The following AMD1 variants were observed in gnomAD, a reference collection of about 807,000 sequenced individuals.
The protein encoded by AMD1 is S-adenosylmethionine decarboxylase proenzyme.
Under a neutral mutation model 40.2 loss-of-function variants are expected in AMD1, and 11 were observed. The observed-to-expected ratio is 0.27, with a 90% CI of 0.17 to 0.45. AMD1 has a LOEUF of 0.45. AMD1 is among the 20% of genes least tolerant of loss of function. The pLI, the probability that AMD1 is intolerant of heterozygous loss-of-function variation, is 1.00. For synonymous variants in AMD1, 121 were observed against 130.8 expected (o/e 0.93, Z 0.51); for missense variants, 257 against 410.2 (o/e 0.63, Z 3.23).
At chr6:110,831,167 C>T in the AMD1 span, among the ~76,000 whole-genome samples, 1 of 151,964 alleles carries the variant, frequency 6.6e-6, no homozygotes, top group Non-Finnish European at 1.5e-5. Flanking sequence ...TGGCCAGGTG[C>T]AGTGGTTCAC....
At chr6:110,840,540 C>T in the AMD1 span, among the ~76,000 whole-genome samples, 4 of 152,024 alleles carry the variant, frequency 2.6e-5, no homozygotes, top group African/African-American at 7.2e-5. Flanking sequence ...ATGCATAGGG[C>T]GAGGTGTGGG....
At chr6:110,827,117 T>C in the AMD1 span, among the ~76,000 whole-genome samples, 1 of 152,150 alleles carries the variant, frequency 6.6e-6, no homozygotes, top group Non-Finnish European at 1.5e-5. Flanking sequence ...AAAGGTCACA[T>C]TCACAGGTTC....
chr6:110,841,391 C>T, the AMD1 span, among the ~76,000 whole-genome samples: 4 of 152,342 alleles, frequency 2.6e-5, no homozygotes, highest in South Asian at 6.2e-4. Context: ...GGAATAAGTA[C>T]ATTCAATGTC....
chr6:110,850,315 C>T, the AMD1 span, among the ~76,000 whole-genome samples: 7 of 152,262 alleles, frequency 4.6e-5, no homozygotes, highest in South Asian at 1.5e-3. Context: ...AACTCTTAGA[C>T]GTTGGGAATA....
chr6:110,862,171 G>A, the AMD1 span, among the ~76,000 whole-genome samples: 4 of 151,158 alleles, frequency 2.6e-5, no homozygotes, highest in African/African-American at 7.3e-5. Context: ...ACCATACTTC[G>A]CTAATTTTTT....
rs759179578 is a variant in AMD1 at position 110,893,511 on chromosome 6, G to A, written c.900G>A (p.Gln300=). 3.1e-6 allele frequency: 5 copies of A among 1,613,862 alleles called. No homozygotes were observed. Among genetic ancestry groups the A allele is most frequent in the East Asian group, 2.2e-5 (1 of 44,904 alleles). Residue 300 remains glutamine (Q), a synonymous_variant, in exon 9 of 9, where the codon CAG becomes CAA. Transcript: ENST00000368885. ...GTCGCACAGTGCTTGCTTCGCCCCAGAAGATTGAAGGTTTTAAGCGTCTTG... is the reference window on the plus strand; with the variant it reads ...GTCGCACAGTGCTTGCTTCGCCCCAAAAGATTGAAGGTTTTAAGCGTCTTG... ...SKCRTVLASP[Q]KIEGFKRLDC...
the AMD1 span, among the ~76,000 whole-genome samples, chr6:110,853,878 G>A: frequency 6.6e-6 from 1 of 152,192 alleles, no homozygotes; most frequent in Non-Finnish European, 1.5e-5. Flanking sequence ...TGGAATGGCT[G>A]TGAAGTAGCA....
chr6:110,863,559 G>T, the AMD1 span, among the ~76,000 whole-genome samples: 3 of 151,080 alleles, frequency 2.0e-5, no homozygotes, highest in Non-Finnish European at 4.4e-5. Context: ...TAGTAGAGAC[G>T]GGGTTTCACC....
chr6:110,854,004 C>T, the AMD1 span, among the ~76,000 whole-genome samples: 352 of 152,258 alleles, frequency 2.3e-3, 2 homozygotes, highest in Middle Eastern at 0.02. Flanking sequence ...TGTTCTGAGA[C>T]GGTGGAACTT....
intron 1 of AMD1, among the ~76,000 whole-genome samples, chr6:110,876,936 A>C (rs1485672583): frequency 6.6e-6 from 1 of 152,202 alleles, no homozygotes; most frequent in Non-Finnish European, 1.5e-5. Flanking sequence ...TAATAAAGGG[A>C]AGAAGATTTT....
At chr6:110,890,490 T>A in intron 4 of AMD1, 134 bp downstream of exon 4, 1 of 673,042 alleles carries the variant, frequency 1.5e-6, no homozygotes. Context: ...TTCTTGTGGG[T>A]TTTTTGGTTT....
the AMD1 span, among the ~76,000 whole-genome samples, chr6:110,829,475 C>T: frequency 2.0e-5 from 3 of 151,208 alleles, no homozygotes; most frequent in Non-Finnish European, 4.4e-5. Context: ...GTCAGGAGAT[C>T]GAGACCATCC....
chr6:110,821,185 G>A, the AMD1 span, among the ~76,000 whole-genome samples: 1 of 152,208 alleles, frequency 6.6e-6, no homozygotes, highest in Non-Finnish European at 1.5e-5. Flanking sequence ...TTGAGAAATG[G>A]TGGCGGCATG....
At chr6:110,883,415 A>G (rs1785509670) in intron 1 of AMD1, among the ~76,000 whole-genome samples, 1 of 152,198 alleles carries the variant, frequency 6.6e-6, no homozygotes, top group African/African-American at 2.4e-5. Context: ...TAGTTCCAAG[A>G]AAGGCTCTCT....
the AMD1 span, among the ~76,000 whole-genome samples, chr6:110,862,195 A>G: frequency 1.6e-4 from 24 of 151,644 alleles, no homozygotes; most frequent in Admixed American, 1.5e-3. Flanking sequence ...TATATTGTAG[A>G]GATAGAGTCT....
chr6:110,844,219 C>G, the AMD1 span, among the ~76,000 whole-genome samples: 1 of 146,668 alleles, frequency 6.8e-6, no homozygotes, highest in South Asian at 2.3e-4. Flanking sequence ...AAGATCCTGT[C>G]CCTACTTCAA....
At chr6:110,870,725 C>T (rs1302607669), upstream of AMD1, among the ~76,000 whole-genome samples, 2 of 152,088 alleles carry the variant, frequency 1.3e-5, no homozygotes, top group Non-Finnish European at 2.9e-5. Context: ...CCTCTTCTTC[C>T]AGGCTAGACT....
the AMD1 span, among the ~76,000 whole-genome samples, chr6:110,833,113 G>A: frequency 6.6e-6 from 1 of 152,164 alleles, no homozygotes; most frequent in South Asian, 2.1e-4. Flanking sequence ...GAGCCACCGT[G>A]CCCGGCTGAT....
At chr6:110,862,533 C>G in the AMD1 span, among the ~76,000 whole-genome samples, 2 of 149,406 alleles carry the variant, frequency 1.3e-5, no homozygotes, top group Non-Finnish European at 3.0e-5. Context: ...GTGTTGAGAT[C>G]TGAGCTCACT....
Sources: gnomAD v4.1 joint callset for allele counts (sites outside exome capture counted in the v4.1 genomes callset) on GRCh38, gnomAD v4.1.1 for gene constraint, MANE v1.5 for transcripts, NCBI Gene and HGNC (gene_info 2026-07-23, HGNC 2026-07-21) for gene names.